The following ELAC1 variants were observed in gnomAD, a reference collection of about 807,000 sequenced individuals.
ELAC1 encodes the protein elaC ribonuclease Z 1, also known as zinc phosphodiesterase ELAC protein 1.
ELAC1 carries 19 observed loss-of-function variants against 25.8 expected under a neutral mutation model. That is an observed-to-expected ratio of 0.74 (90% CI 0.51 to 1.08). ELAC1 has a LOEUF of 1.08. Ranked by LOEUF, ELAC1 falls within the 50% of genes least tolerant of loss-of-function variation. ELAC1 has a pLI of 0.00. For synonymous variants in ELAC1, 148 were observed against 160.9 expected (o/e 0.92, Z 0.61); for missense variants, 403 against 434.6 (o/e 0.93, Z 0.65).
chr18:50,977,619 A>G (rs1041320001), intron 2 of ELAC1, among the ~76,000 whole-genome samples: 5 of 152,168 alleles, frequency 3.3e-5, no homozygotes, highest in African/African-American at 4.8e-5. Flanking sequence ...AAGACCTCTG[A>G]CATGCTCTGG....
chr18:50,972,791 T>C (rs1025860741), intron 1 of ELAC1, among the ~76,000 whole-genome samples: 1 of 152,178 alleles, frequency 6.6e-6, no homozygotes, highest in Admixed American at 6.5e-5. Context: ...CCTATTCTGT[T>C]TTAATTATGT....
chr18:50,969,004 A>C (rs1231297140), intron 1 of ELAC1: 1 of 152,244 alleles, frequency 6.6e-6, no homozygotes, highest in Non-Finnish European at 1.5e-5. Flanking sequence ...AGCAAATCTG[A>C]AATGTACCAT....
Position 50,984,149 on chromosome 18 carries a change from C to G in ELAC1, c.211C>G (p.Leu71Val). Residue 71 changes from leucine to valine, a missense_variant, in exon 3 of 4, where the codon CTT becomes GTT. Transcript: ENST00000269466. Reference sequence around the variant, plus strand: ...CCTTCATGGAGACCATTTCTTTGGCCTTCCTGGGCTCCTCTGCACAATCAG... The same window carrying G: ...CCTTCATGGAGACCATTTCTTTGGCGTTCCTGGGCTCCTCTGCACAATCAG... ...THLHGDHFFGLPGLLCTISLQ... is the reference protein window; with the variant it reads ...THLHGDHFFGVPGLLCTISLQ... The G allele has an allele frequency of 1.2e-6, 2 of 1,613,308 alleles. No individual in the cohort carries two copies. The highest frequency in any genetic ancestry group is 2.7e-5 in the African/African-American group (2 of 74,978).
At chr18:50,969,859 T>A (rs574039352) in intron 1 of ELAC1, 7 of 152,372 alleles carry the variant, frequency 4.6e-5, no homozygotes, top group East Asian at 1.9e-4. Context: ...AAACTTTTTT[T>A]AAAAAGATTG....
Position 50,984,239 on chromosome 18 carries a change from G to A in ELAC1, c.301G>A (p.Asp101Asn). 1.2e-6 allele frequency: 2 copies of A among 1,614,130 alleles called. No individual in the cohort carries two copies. Among genetic ancestry groups the A allele is most frequent in the South Asian group, 2.2e-5 (2 of 91,076 alleles). ...AATCTATGGCCCTGTAGGGCTTCGG[G>A]ACTTTATCTGGCGAACCATGGAACT... ...IEIYGPVGLR[D>N]FIWRTMELSH... Residue 101 changes from aspartate (D) to asparagine (N), a missense_variant, in exon 3 of 4, where the codon GAC becomes AAC. Physicochemically the swap from Asp to Asn is conservative, Grantham distance 23. Coordinates refer to ENST00000269466, the MANE Select transcript of ELAC1 (RefSeq NM_018696.3).
intron 1 of ELAC1, among the ~76,000 whole-genome samples, chr18:50,971,862 ATATATATGTG>A (rs1215813235): frequency 6.8e-6 from 1 of 146,328 alleles, no homozygotes. Context: ...ATATTTATGT[ATATATATGTG>A]TATATATGTA....
chr18:50,971,215 G>A (rs1042577040), intron 1 of ELAC1, among the ~76,000 whole-genome samples: 7 of 152,268 alleles, frequency 4.6e-5, no homozygotes, highest in Middle Eastern at 6.8e-3. Context: ...ATTATCAACA[G>A]CATCATTATT....
chr18:50,981,844 T>C (rs1260611581), intron 2 of ELAC1, among the ~76,000 whole-genome samples: 11 of 128,278 alleles, frequency 8.6e-5, no homozygotes, highest in African/African-American at 3.2e-5. Context: ...GCTATAGTTC[T>C]TTTTTTTTTT....
In ELAC1 at chr18:50,987,184, G is replaced by T; in HGVS notation, c.*99G>T. On this transcript the variant is annotated 3_prime_UTR_variant, in exon 4 of 4. Transcript: ENST00000269466. Reference sequence around the variant, plus strand: ...CTTGTTTTAGTCTGAAATTATTTGGGCCCTAATAATCCTAAAAAGAATGGA... The same window carrying T: ...CTTGTTTTAGTCTGAAATTATTTGGTCCCTAATAATCCTAAAAAGAATGGA... 1 of 924,236 alleles carries T rather than the reference G, an allele frequency of 1.1e-6. No individual in the cohort carries two copies. The highest frequency in any genetic ancestry group is 1.5e-6 in the Non-Finnish European group (1 of 662,532). 57.3% of individuals were successfully genotyped at this position (924,236 alleles called of 1,614,324 possible).
Position 50,984,247 on chromosome 18 carries a change from C to T in ELAC1, c.309C>T (p.Ile103=). Residue 103 remains isoleucine (I), a synonymous_variant, in exon 3 of 4, where the codon ATC becomes ATT. Transcript: ENST00000269466. ...IYGPVGLRDF[I]WRTMELSHTE... ...GCCCTGTAGGGCTTCGGGACTTTATCTGGCGAACCATGGAACTCTCTCACA... is the reference window on the plus strand; with the variant it reads ...GCCCTGTAGGGCTTCGGGACTTTATTTGGCGAACCATGGAACTCTCTCACA... The T allele has an allele frequency of 6.2e-7, 1 of 1,614,168 alleles. No homozygotes were observed. Among genetic ancestry groups the T allele is most frequent in the Non-Finnish European group, 8.5e-7 (1 of 1,180,030 alleles).
At position 50,974,411 on chromosome 18, in the gene ELAC1, A is replaced by G. The variant is rs140784459; in HGVS notation, c.7A>G (p.Met3Val). ...TTCTGTTGCAGGGTGGAAGATGTCT[A>G]TGGATGTGACATTCCTGGGGACGGG... is the stretch of plus-strand genomic sequence containing the variant. MS[M>V]DVTFLGTGAA... Residue 3 changes from methionine (M) to valine (V), a missense_variant, in exon 2 of 4, where the codon ATG (methionine) becomes GTG (valine). Met to Val is a conservative substitution (Grantham distance 21). Coordinates refer to ENST00000269466, the MANE Select transcript of ELAC1 (RefSeq NM_018696.3). 1.3e-6 allele frequency: 2 copies of G among 1,539,284 alleles called. No individual in the cohort carries two copies. The highest frequency in any genetic ancestry group is 2.8e-5 in the African/African-American group (2 of 72,258).
rs1907544835 is a variant in ELAC1, at chr18:50,968,051, G to A, written c.-72G>A. ...CGCCCGGGCGCATTGTAGCCCCGCGGACAGCTGGGCCAGGGTGCGGGCCTG... is the reference window on the plus strand; with the variant it reads ...CGCCCGGGCGCATTGTAGCCCCGCGAACAGCTGGGCCAGGGTGCGGGCCTG... On this transcript the variant is annotated 5_prime_UTR_variant, in exon 1 of 4. Coordinates refer to ENST00000269466, the MANE Select transcript of ELAC1 (RefSeq NM_018696.3). 6.6e-6 allele frequency: 1 copy of A among 152,006 alleles called. No individual in the cohort carries two copies. The highest frequency in any genetic ancestry group is 1.5e-5 in the Non-Finnish European group (1 of 68,002). 9.4% of individuals were successfully genotyped at this position (152,006 alleles called of 1,614,324 possible).
At position 50,986,812 on chromosome 18, in the gene ELAC1, C is replaced by A; in HGVS notation, c.819C>A (p.Ile273=). The A allele has an allele frequency of 6.2e-7, 1 of 1,614,130 alleles. No individual in the cohort carries two copies. Residue 273 remains isoleucine (I), a synonymous_variant, in exon 4 of 4, where the codon ATC becomes ATA. Coordinates refer to ENST00000269466, the MANE Select transcript of ELAC1 (RefSeq NM_018696.3). ...VKLCFEADLL[I]HEATLDDAQM... The stretch of plus-strand genomic sequence containing the variant: ...TGTGCTTTGAAGCAGACCTGTTGAT[C>A]CACGAAGCAACCCTGGATGATGCCC...
At position 50,971,246 on chromosome 18, in the gene ELAC1, A is replaced by G. The variant is rs1599143208; in HGVS notation, c.-9+3132A>G. Reference sequence around the variant, plus strand: ...TTATTACTGGTAATATATATTCCAAATTATTCTCCGAAAGCCTAATCGCAA... The same window carrying G: ...TTATTACTGGTAATATATATTCCAAGTTATTCTCCGAAAGCCTAATCGCAA... On this transcript the variant is annotated intron_variant, in intron 1 of 3. Coordinates refer to ENST00000269466, the MANE Select transcript of ELAC1 (RefSeq NM_018696.3). Among the ~76,000 whole-genome samples, 3 of 152,198 alleles carry G rather than the reference A, an allele frequency of 2.0e-5. No individual in the cohort carries two copies. In the South Asian group the frequency reaches 6.2e-4, roughly 32 times the overall value.
Position 50,986,748 on chromosome 18 carries a change from G to A in ELAC1, c.755G>A (p.Gly252Asp), listed in dbSNP as rs1213369590. The change falls in exon 4 of 4, where the codon GGT (glycine) becomes GAT (aspartate). Residue 252 changes from glycine to aspartate, a missense_variant. Physicochemically the swap from Gly to Asp is moderately conservative, Grantham distance 94. Transcript: ENST00000269466. ...PIVGRKICILGDCSGVVGDGG... is the reference protein window; with the variant it reads ...PIVGRKICILDDCSGVVGDGG... ...GTTGGAAGAAAAATCTGCATATTGG[G>A]TGACTGCTCTGGGGTTGTGGGTGAT... 4 of 1,614,046 alleles carry A rather than the reference G, an allele frequency of 2.5e-6. No homozygotes were observed.
chr18:50,976,675 C>T (rs1291493714), intron 2 of ELAC1, among the ~76,000 whole-genome samples: 2 of 152,158 alleles, frequency 1.3e-5, no homozygotes, highest in Non-Finnish European at 2.9e-5. Context: ...TCCTCCAGAA[C>T]CTTATGTCCT....
chr18:50,984,919 G>T, intron 3 of ELAC1: 2 of 306,492 alleles, frequency 6.5e-6, no homozygotes, highest in Non-Finnish European at 1.2e-5. Flanking sequence ...GTGACAAAGC[G>T]AAACTCTGTC....
rs774301000 is a variant in ELAC1 at position 50,974,577 on chromosome 18, G to C, written c.157+16G>C. The C allele has an allele frequency of 1.2e-6, 2 of 1,612,782 alleles. No homozygotes were observed. Among genetic ancestry groups the C allele is most frequent in the South Asian group, 1.1e-5 (1 of 91,032 alleles). On this transcript the variant is annotated intron_variant, in intron 2 of 3. Coordinates refer to ENST00000269466, the MANE Select transcript of ELAC1 (RefSeq NM_018696.3). ...CTTAAAGCAGGTTAGTGTGCCTTCA[G>C]CTATCTCATTAAGATTTTTTTGTTG... is the stretch of plus-strand genomic sequence containing the variant.
intron 2 of ELAC1, among the ~76,000 whole-genome samples, chr18:50,976,661 T>A (rs1291882976): frequency 6.6e-6 from 1 of 152,178 alleles, no homozygotes. Flanking sequence ...ATTCCACCCC[T>A]GACTCCTCCA....
Sources: gnomAD v4.1 joint callset for allele counts (sites outside exome capture counted in the v4.1 genomes callset) on GRCh38, gnomAD v4.1.1 for gene constraint, MANE v1.5 for transcripts, NCBI Gene and HGNC (gene_info 2026-07-23, HGNC 2026-07-21) for gene names.